The following IL20RA variants were observed in gnomAD, a reference collection of about 807,000 sequenced individuals.
IL20RA encodes the protein interleukin-20 receptor subunit alpha.
Under a neutral mutation model 36.5 loss-of-function variants are expected in IL20RA, and 29 were observed. The ratio of observed to expected loss-of-function variants is 0.79; its 90% CI spans 0.59 to 1.08. The LOEUF is 1.08. Among genes scored for constraint, IL20RA ranks in the 50% least tolerant of loss-of-function variants. The pLI, the probability that IL20RA is intolerant of heterozygous loss-of-function variation, is 0.00. For missense variants in IL20RA, 652 were observed against 668.4 expected, an observed-to-expected ratio of 0.98 and a Z score of 0.27; for synonymous variants, 279 against 267.1, an observed-to-expected ratio of 1.04 and a Z score of -0.43.
chr6:137,007,706 T>G (rs897277592), intron 5 of IL20RA, among the ~76,000 whole-genome samples: 1 of 151,770 alleles, frequency 6.6e-6, no homozygotes, highest in Non-Finnish European at 1.5e-5. Context: ...GTGTAGAAAA[T>G]GTGAAGAGGA....
chr6:137,032,977 G>T (rs1487075046), intron 1 of IL20RA, among the ~76,000 whole-genome samples: 2 of 152,170 alleles, frequency 1.3e-5, no homozygotes, highest in Non-Finnish European at 2.9e-5. Flanking sequence ...TAAAAGCAGG[G>T]CAATAATGAA....
chr6:137,044,141 T>A, intron 1 of IL20RA: 1 of 985,712 alleles, frequency 1.0e-6, no homozygotes, highest in Non-Finnish European at 1.2e-6. Flanking sequence ...GCTGACCCTT[T>A]CGGGGAGTTT....
At chr6:137,018,007 G>T (rs1217708983) in intron 1 of IL20RA, among the ~76,000 whole-genome samples, 1 of 152,168 alleles carries the variant, frequency 6.6e-6, no homozygotes, top group African/African-American at 2.4e-5. Flanking sequence ...ATATTGGAAA[G>T]ATCACAAAGC....
chr6:137,033,372 T>C (rs575516852), intron 1 of IL20RA, among the ~76,000 whole-genome samples: 1 of 152,296 alleles, frequency 6.6e-6, no homozygotes, highest in African/African-American at 2.4e-5. Context: ...TGCCCAAATC[T>C]CATGTTGAAG....
At position 137,034,867 on chromosome 6, in the gene IL20RA, C is replaced by T. The variant is rs1380993211; in HGVS notation, c.88+9774G>A. The stretch of plus-strand genomic sequence containing the variant: ...GGCTGAGGCAGGAGAATGGTGAGAA[C>T]CCGGAAGGCGGAGGTTGCAGTGAGC... On this transcript the variant is annotated intron_variant, in intron 1 of 6. Coordinates refer to ENST00000316649, the MANE Select transcript of IL20RA (RefSeq NM_014432.4). Among the ~76,000 whole-genome samples the T allele has an allele frequency of 1.3e-5, 2 of 151,310 alleles. 1 individual carries two copies. Among genetic ancestry groups the T allele is most frequent in the East Asian group, 3.9e-4 (2 of 5,174 alleles).
At chr6:137,013,996 T>C (rs1359211019) in intron 2 of IL20RA, among the ~76,000 whole-genome samples, 2 of 152,256 alleles carry the variant, frequency 1.3e-5, no homozygotes, top group East Asian at 3.8e-4. Flanking sequence ...AATCCCTTTC[T>C]GGATCACATA....
Position 137,001,892 on chromosome 6 carries a change from G to T in IL20RA, c.1328C>A (p.Pro443Gln). Residue 443 changes from proline to glutamine, a missense_variant, in exon 7 of 7, where the codon CCG (proline) becomes CAG (glutamine). Transcript: ENST00000316649. Reference sequence around the variant, plus strand: ...GGTGTATGAGTACTGTAACGTTTGCGGGCCCAAGACTGCCAACGCTGCCTG... The same window carrying T: ...GGTGTATGAGTACTGTAACGTTTGCTGGCCCAAGACTGCCAACGCTGCCTG... ...ESQAALAVLGPQTLQYSYTPQ... is the reference protein window; with the variant it reads ...ESQAALAVLGQQTLQYSYTPQ... 3.1e-6 allele frequency: 5 copies of T among 1,613,762 alleles called. No homozygotes were observed. The highest frequency in any genetic ancestry group is 3.4e-6 in the Non-Finnish European group (4 of 1,179,906).
intron 1 of IL20RA, among the ~76,000 whole-genome samples, chr6:137,023,805 A>G (rs1455381664): frequency 1.3e-5 from 2 of 152,236 alleles, no homozygotes; most frequent in African/African-American, 4.8e-5. Context: ...GATAAAAAAT[A>G]GAATTAGCCC....
Position 137,008,617 on chromosome 6 carries a change from A to G in IL20RA, c.706T>C (p.Cys236Arg). Reference sequence around the variant, plus strand: ...AGCTTACCTTTCAAAGTCCTGGCACACTGCTTCTCAGAAGGCTGAGCACGG... The same window carrying G: ...AGCTTACCTTTCAAAGTCCTGGCACGCTGCTTCTCAGAAGGCTGAGCACGG... ...PRRAQPSEKQ[C>R]ARTLKDQSSE... The change falls in exon 5 of 7, where the codon TGT (cysteine) becomes CGT (arginine). Residue 236 changes from cysteine to arginine, a missense_variant. Transcript: ENST00000316649. 2 of 1,601,416 alleles carry G rather than the reference A, an allele frequency of 1.2e-6. No individual in the cohort carries two copies. Among genetic ancestry groups the G allele is most frequent in the African/African-American group, 1.3e-5 (1 of 74,614 alleles).
At position 137,032,747 on chromosome 6, in the gene IL20RA, G is replaced by A. The variant is rs192040366; in HGVS notation, c.88+11894C>T. ...ACACACCAGGAAGATAGAAGTGTTCGGTAGCCATCAAGAACACTATCAGAA... is the reference window on the plus strand; with the variant it reads ...ACACACCAGGAAGATAGAAGTGTTCAGTAGCCATCAAGAACACTATCAGAA... On this transcript the variant is annotated intron_variant, in intron 1 of 6. Transcript: ENST00000316649. Among the ~76,000 whole-genome samples, 6 of 152,230 alleles carry A rather than the reference G, an allele frequency of 3.9e-5. No homozygotes were observed. The East Asian group carries it at 5.8e-4, about 15-fold the overall frequency.
rs377256560 is a variant in IL20RA at position 137,023,999 on chromosome 6, C to A, written c.89-6896G>T. Reference sequence around the variant, plus strand: ...ATCCCAGCTACTTGGGAGGCTGAGGCAGAAGAATTGCTTGAACCCAGGAGG... The same window carrying A: ...ATCCCAGCTACTTGGGAGGCTGAGGAAGAAGAATTGCTTGAACCCAGGAGG... On this transcript the variant is annotated intron_variant, in intron 1 of 6. Coordinates refer to ENST00000316649, the MANE Select transcript of IL20RA (RefSeq NM_014432.4). Among the ~76,000 whole-genome samples the A allele has an allele frequency of 2.0e-4, 30 of 152,236 alleles. 2 individuals carry two copies. Among genetic ancestry groups the A allele is most frequent in the East Asian group, 7.7e-4 (4 of 5,174 alleles).
Position 137,011,324 on chromosome 6 carries a change from G to A in IL20RA, c.353C>T (p.Thr118Ile), listed in dbSNP as rs749033134. The A allele has an allele frequency of 5.6e-6, 9 of 1,613,798 alleles. No homozygotes were observed. Among genetic ancestry groups the A allele is most frequent in the Non-Finnish European group, 7.6e-6 (9 of 1,179,828 alleles). ...ACTTTCAGCCCATTTGGAACACTTT[G>A]TTCCCCAAATGGCCTTAACTTTGGC... ...YYAKVKAIWG[T>I]KCSKWAESGR... The change falls in exon 3 of 7, where the codon ACA (threonine) becomes ATA (isoleucine). Residue 118 changes from threonine (T) to isoleucine (I), a missense_variant. By Grantham distance (89) the Thr-to-Ile change is moderately conservative (BLOSUM62 -1). Transcript: ENST00000316649.
intron 2 of IL20RA, among the ~76,000 whole-genome samples, chr6:137,013,127 TTC>T (rs1260430433): frequency 6.6e-6 from 1 of 152,248 alleles, no homozygotes; most frequent in Non-Finnish European, 1.5e-5. Context: ...TTATTTTTCA[TTC>T]CAGTCCATTC....
chr6:137,028,806 G>A (rs1285449581), intron 1 of IL20RA, among the ~76,000 whole-genome samples: 1 of 151,980 alleles, frequency 6.6e-6, no homozygotes, highest in Non-Finnish European at 1.5e-5. Context: ...GCATTTGAGG[G>A]ATGTTTCCTT....
intron 2 of IL20RA, among the ~76,000 whole-genome samples, chr6:137,014,798 C>A (rs574940207): frequency 7.2e-5 from 11 of 151,900 alleles, no homozygotes; most frequent in Non-Finnish European, 1.3e-4. Flanking sequence ...CTTAGTTCTA[C>A]ACTGAGATGA....
chr6:137,029,023 G>T lies in IL20RA; in HGVS notation c.89-11920C>A, dbSNP rs546374501. ...GCCACTCAATGGGATATTCTGATCA[G>T]TGCGTGCCAAGCTGTACCTGCAACT... On this transcript the variant is annotated intron_variant, in intron 1 of 6. Coordinates refer to ENST00000316649, the MANE Select transcript of IL20RA (RefSeq NM_014432.4). 2.0e-5 allele frequency among the ~76,000 whole-genome samples: 3 copies of T among 152,318 alleles called. No individual in the cohort carries two copies. The East Asian group carries it at 5.8e-4, about 29-fold the overall frequency.
intron 6 of IL20RA, among the ~76,000 whole-genome samples, chr6:137,004,252 C>T (rs967906): frequency 0.86 from 127,804 of 148,348 alleles, 58,331 homozygotes; most frequent in East Asian, 1. Context: ...CTCAGCTTGC[C>T]GCAATCTTGG....
At chr6:137,026,777 C>T (rs538215160) in intron 1 of IL20RA, among the ~76,000 whole-genome samples, 7 of 152,296 alleles carry the variant, frequency 4.6e-5, no homozygotes, top group East Asian at 1.9e-4. Flanking sequence ...TTGAAAGGAA[C>T]GGCATGTTTT....
intron 1 of IL20RA, among the ~76,000 whole-genome samples, chr6:137,025,021 G>A (rs1385858682): frequency 6.6e-6 from 1 of 152,148 alleles, no homozygotes; most frequent in African/African-American, 2.4e-5. Context: ...GTGAGGAGTC[G>A]GCAAGGAACT....
Sources: gnomAD v4.1 joint callset for allele counts (sites outside exome capture counted in the v4.1 genomes callset) on GRCh38, gnomAD v4.1.1 for gene constraint, MANE v1.5 for transcripts, NCBI Gene and HGNC (gene_info 2026-07-23, HGNC 2026-07-21) for gene names.